LRP1B: variants seen among roughly 807,000 people sequenced by gnomAD.
The protein encoded by LRP1B is low-density lipoprotein receptor-related protein 1B.
In LRP1B, 217 loss-of-function variants were observed where a neutral mutation model predicts 556.6. The observed-to-expected ratio is 0.39, with a 90% confidence interval of 0.35 to 0.44. The LOEUF (loss-of-function observed/expected upper bound fraction) is 0.44. LRP1B is among the 20% of genes least tolerant of loss of function. The pLI, the probability that LRP1B is intolerant of heterozygous loss-of-function variation, is 1.00. For missense variants in LRP1B, 5,053 were observed against 5,620.8 expected, an observed-to-expected ratio of 0.90 and a Z score of 3.23; for synonymous variants, 2,047 against 1,865.8, an observed-to-expected ratio of 1.10 and a Z score of -2.50.
intron 20 of LRP1B, among the ~76,000 whole-genome samples, chr2:140,933,042 G>A (rs1156437323): frequency 6.9e-6 from 1 of 144,994 alleles, no homozygotes; most frequent in Non-Finnish European, 1.6e-5. Flanking sequence ...TTATATGGAT[G>A]CTTTTAGGCA....
At chr2:141,255,149 A>G (rs573691093) in intron 3 of LRP1B, among the ~76,000 whole-genome samples, 44 of 152,220 alleles carry the variant, frequency 2.9e-4, no homozygotes, top group African/African-American at 9.9e-4. Flanking sequence ...GAACTATTTG[A>G]GAAAAGACAT....
At chr2:141,285,880 A>T (rs1446850749) in intron 3 of LRP1B, among the ~76,000 whole-genome samples, 1 of 149,046 alleles carries the variant, frequency 6.7e-6, no homozygotes, top group Non-Finnish European at 1.5e-5. Flanking sequence ...TCCCGGCTAC[A>T]ACGGTGAAAC....
chr2:140,652,507 A>G (rs1258837694), intron 41 of LRP1B, among the ~76,000 whole-genome samples: 3 of 152,050 alleles, frequency 2.0e-5, no homozygotes, highest in Non-Finnish European at 1.5e-5. Context: ...TTTAATAACT[A>G]TACTCATTTG....
At position 140,311,003 on chromosome 2, in the gene LRP1B, G is replaced by A. The variant is rs371266773; in HGVS notation, c.12805+3932C>T. 5.9e-4 allele frequency among the ~76,000 whole-genome samples: 90 copies of A among 151,894 alleles called. No individual in the cohort carries two copies. In the South Asian group the frequency reaches 0.018, roughly 31 times the overall value. ...ATGCCATCTTACATCAGTTAGAATG[G>A]CTACTATTAAAAAGCCAAAAATAAC... On this transcript the variant is annotated intron_variant, in intron 83 of 90. Coordinates refer to ENST00000389484, the MANE Select transcript of LRP1B (RefSeq NM_018557.3).
chr2:141,046,092 T>A (rs1698861644), intron 11 of LRP1B, among the ~76,000 whole-genome samples: 2 of 152,242 alleles, frequency 1.3e-5, no homozygotes, highest in Middle Eastern at 3.4e-3. Flanking sequence ...AAATAATGAA[T>A]AAAGATGGAT....
At chr2:141,818,083 A>C (rs940021979) in intron 1 of LRP1B, among the ~76,000 whole-genome samples, 1 of 152,190 alleles carries the variant, frequency 6.6e-6, no homozygotes, top group Admixed American at 6.5e-5. Flanking sequence ...TTGTCTCTAC[A>C]TCTCATTGCT....
intron 2 of LRP1B, among the ~76,000 whole-genome samples, chr2:141,583,031 T>A (rs1378587408): frequency 6.6e-6 from 1 of 151,386 alleles, no homozygotes; most frequent in Non-Finnish European, 1.5e-5. Flanking sequence ...AGAGAGGGGG[T>A]TTCACCGTGT....
At chr2:141,005,231 G>T in intron 15 of LRP1B, 104 bp downstream of exon 15, 1 of 1,256,350 alleles carries the variant, frequency 8.0e-7, no homozygotes, top group Non-Finnish European at 1.1e-6. Context: ...ATAATTATCT[G>T]AATTTCTCTT....
At chr2:140,364,284 T>C (rs2105150020) in intron 72 of LRP1B, among the ~76,000 whole-genome samples, 1 of 151,672 alleles carries the variant, frequency 6.6e-6, no homozygotes, top group South Asian at 2.1e-4. Flanking sequence ...TTATTATTTA[T>C]ATATTTTTAA....
chr2:140,578,298 A>G (rs914944693), intron 43 of LRP1B, among the ~76,000 whole-genome samples: 4 of 152,152 alleles, frequency 2.6e-5, no homozygotes, highest in African/African-American at 9.7e-5. Flanking sequence ...CTACAATGAC[A>G]CAACTTTTTA....
At chr2:140,717,318 C>T (rs1265131715) in intron 35 of LRP1B, among the ~76,000 whole-genome samples, 1 of 151,972 alleles carries the variant, frequency 6.6e-6, no homozygotes, top group Non-Finnish European at 1.5e-5. Flanking sequence ...GTGTTTTAAG[C>T]ATAAGGCCAC....
At chr2:140,726,877 C>T (rs959639969) in intron 35 of LRP1B, among the ~76,000 whole-genome samples, 1 of 151,312 alleles carries the variant, frequency 6.6e-6, no homozygotes, top group African/African-American at 2.4e-5. Flanking sequence ...TTGCATTTTC[C>T]TCATTTTTGG....
chr2:140,788,677 T>C (rs1455006276), intron 32 of LRP1B, among the ~76,000 whole-genome samples: 1 of 152,202 alleles, frequency 6.6e-6, no homozygotes, highest in African/African-American at 2.4e-5. Flanking sequence ...ATTTCTCTCT[T>C]TGCTAAGAAG....
chr2:141,463,440 A>G (rs1012160047), intron 3 of LRP1B, among the ~76,000 whole-genome samples: 6 of 150,062 alleles, frequency 4.0e-5, no homozygotes, highest in Non-Finnish European at 7.4e-5. Context: ...GTACCAAATA[A>G]CCTTTGGGAG....
intron 66 of LRP1B, among the ~76,000 whole-genome samples, chr2:140,423,394 C>T (rs1299747085): frequency 1.3e-5 from 2 of 152,024 alleles, no homozygotes; most frequent in African/African-American, 4.8e-5. Context: ...ATTTTCAATA[C>T]ATTGAAGCAA....
chr2:141,843,819 C>G (rs1413538842), intron 1 of LRP1B, among the ~76,000 whole-genome samples: 1 of 152,126 alleles, frequency 6.6e-6, no homozygotes, highest in Non-Finnish European at 1.5e-5. Context: ...CTTTTAATCA[C>G]TGGCCTCCTT....
Position 141,968,855 on chromosome 2 carries a change from C to G in LRP1B, c.83-158454G>C, listed in dbSNP as rs1268511127. ...TAAACATCTTCCAGATTTGCTTAAT[C>G]TCTACCGCATTATTAATCGGCTCTC... On this transcript the variant is annotated intron_variant, in intron 1 of 90. Coordinates refer to ENST00000389484, the MANE Select transcript of LRP1B (RefSeq NM_018557.3). Among the ~76,000 whole-genome samples the G allele has an allele frequency of 1.3e-5, 2 of 151,744 alleles. 1 individual carries two copies. Among genetic ancestry groups the G allele is most frequent in the East Asian group, 3.9e-4 (2 of 5,150 alleles).
At chr2:141,233,034 G>A (rs891437145) in intron 5 of LRP1B, among the ~76,000 whole-genome samples, 3 of 152,186 alleles carry the variant, frequency 2.0e-5, no homozygotes, top group African/African-American at 7.2e-5. Context: ...CAATTGAAGA[G>A]CACCAGCTTG....
chr2:141,534,623 A>T (rs1009015536), intron 2 of LRP1B, among the ~76,000 whole-genome samples: 1 of 152,130 alleles, frequency 6.6e-6, no homozygotes, highest in African/African-American at 2.4e-5. Flanking sequence ...GTATATATAT[A>T]AAAGTTGCAG....
Sources: gnomAD v4.1 joint callset for allele counts (sites outside exome capture counted in the v4.1 genomes callset) on GRCh38, gnomAD v4.1.1 for gene constraint, MANE v1.5 for transcripts, NCBI Gene and HGNC (gene_info 2026-07-23, HGNC 2026-07-21) for gene names.